Variants in TMEM232 observed in about 807,000 individuals in gnomAD.
TMEM232 encodes the protein transmembrane protein 232.
A neutral mutation model predicts 78.8 loss-of-function variants in TMEM232; 80 were observed. That is an observed-to-expected ratio of 1.01 (90% CI 0.85 to 1.22). TMEM232 has a LOEUF of 1.22. Ranked by LOEUF, TMEM232 falls within the 50% of genes most tolerant of loss-of-function variation. The pLI is 0.00. For synonymous variants in TMEM232, 297 were observed against 254.3 expected, an observed-to-expected ratio of 1.17 and a Z score of -1.60; for missense variants, 881 against 742.2, an observed-to-expected ratio of 1.19 and a Z score of -2.17.
chr5:110,590,822 A>G (rs1779424352), intron 10 of TMEM232, among the ~76,000 whole-genome samples: 1 of 152,172 alleles, frequency 6.6e-6, no homozygotes, highest in South Asian at 2.1e-4. Context: ...TGGAAGGGGA[A>G]GCAAGCACCT....
At chr5:110,459,361 CAT>C (rs1470309784) in intron 12 of TMEM232, among the ~76,000 whole-genome samples, 3 of 152,162 alleles carry the variant, frequency 2.0e-5, no homozygotes, top group Non-Finnish European at 4.4e-5. Context: ...ACTTCAAAGA[CAT>C]ATAGCACCGA....
intron 11 of TMEM232, among the ~76,000 whole-genome samples, chr5:110,548,698 CTG>C (rs1428120368): frequency 3.3e-5 from 5 of 151,700 alleles, no homozygotes; most frequent in African/African-American, 1.2e-4. Flanking sequence ...TGTAAATAAA[CTG>C]TTTCAATTTG....
intron 2 of TMEM232, among the ~76,000 whole-genome samples, chr5:110,733,499 G>T (rs1798876906): frequency 6.6e-6 from 1 of 152,168 alleles, no homozygotes; most frequent in Admixed American, 6.5e-5. Context: ...ATACTATGCA[G>T]CCATAAAAAA....
chr5:110,414,797 G>T (rs1756127545), downstream of TMEM232, among the ~76,000 whole-genome samples: 1 of 152,144 alleles, frequency 6.6e-6, no homozygotes, highest in Admixed American at 6.5e-5. Context: ...GAAGTAGATG[G>T]GAGCCCGTGT....
At chr5:110,536,756 C>G (rs1342273450) in intron 11 of TMEM232, among the ~76,000 whole-genome samples, 2 of 152,060 alleles carry the variant, frequency 1.3e-5, no homozygotes, top group African/African-American at 4.8e-5. Context: ...ATGTTTAGGA[C>G]AAGTCAGAGG....
At chr5:110,709,637 T>G (rs1037944117) in intron 1 of TMEM232, among the ~76,000 whole-genome samples, 1 of 151,898 alleles carries the variant, frequency 6.6e-6, no homozygotes, top group African/African-American at 2.4e-5. Context: ...GAATAACAAG[T>G]GGGTCAATGA....
chr5:110,397,832 T>C (rs541391225), exon 3 of TMEM232: 2 of 152,706 alleles, frequency 1.3e-5, no homozygotes, highest in African/African-American at 2.4e-5. Flanking sequence ...GATGTATAAT[T>C]TTGCACAGCA....
At chr5:110,528,387 T>C (rs901296487) in intron 12 of TMEM232, among the ~76,000 whole-genome samples, 1 of 151,912 alleles carries the variant, frequency 6.6e-6, no homozygotes, top group Admixed American at 6.6e-5. Flanking sequence ...TATGTAATAA[T>C]ACCTATTATA....
intron 2 of TMEM232, among the ~76,000 whole-genome samples, chr5:110,658,211 G>GTC (rs1198487247): frequency 1.3e-5 from 2 of 152,068 alleles, no homozygotes; most frequent in African/African-American, 4.8e-5. Context: ...AATATCCTCT[G>GTC]TCATCCTGAT....
chr5:110,443,646 C>T (rs936735270), intron 12 of TMEM232, among the ~76,000 whole-genome samples: 4 of 152,308 alleles, frequency 2.6e-5, no homozygotes, highest in African/African-American at 7.2e-5. Flanking sequence ...CTGCTTTTCT[C>T]AAACAGAAGG....
chr5:110,550,141 T>A (rs917410342), intron 11 of TMEM232, among the ~76,000 whole-genome samples: 3 of 152,148 alleles, frequency 2.0e-5, no homozygotes, highest in African/African-American at 7.2e-5. Context: ...CAATGATTGG[T>A]CAACAAAAGA....
At chr5:110,696,371 C>T (rs1212241232) in intron 1 of TMEM232, among the ~76,000 whole-genome samples, 1 of 152,172 alleles carries the variant, frequency 6.6e-6, no homozygotes, top group Admixed American at 6.5e-5. Flanking sequence ...AAACTGGAAG[C>T]ATTCCCTTTG....
chr5:110,569,865 T>C (rs1343541528), intron 10 of TMEM232, among the ~76,000 whole-genome samples: 1 of 151,932 alleles, frequency 6.6e-6, no homozygotes, highest in East Asian at 1.9e-4. Flanking sequence ...GAAAGCTCCC[T>C]GGCATCAGAC....
At chr5:110,408,564 C>G (rs1227911453) in intron 2 of TMEM232, among the ~76,000 whole-genome samples, 1 of 151,522 alleles carries the variant, frequency 6.6e-6, no homozygotes, top group Non-Finnish European at 1.5e-5. Flanking sequence ...CACTCCAGCC[C>G]GGGTGACAGA....
rs954192868 is a variant in TMEM232 at position 110,404,739 on chromosome 5, T to C, written n.309-6885A>G. 1.3e-4 allele frequency among the ~76,000 whole-genome samples: 20 copies of C among 152,062 alleles called. 1 individual carries two copies. Among genetic ancestry groups the C allele is most frequent in the Admixed American group, 5.9e-4 (9 of 15,222 alleles). On this transcript the variant is annotated intron_variant and non_coding_transcript_variant, in intron 2 of 8. Coordinates refer to the TMEM232 transcript ENST00000507188. ...AAGGAATTGTAGATATAATAAAGCCTTGATGAACTGAATTCCAAAGAAAAA... is the reference window on the plus strand; with the variant it reads ...AAGGAATTGTAGATATAATAAAGCCCTGATGAACTGAATTCCAAAGAAAAA...
intron 12 of TMEM232, among the ~76,000 whole-genome samples, chr5:110,494,476 G>C (rs1765437008): frequency 6.6e-6 from 1 of 152,006 alleles, no homozygotes; most frequent in East Asian, 1.9e-4. Flanking sequence ...GGAACAATGG[G>C]AAGTCTTATA....
chr5:110,631,522 C>G (rs921846779), intron 5 of TMEM232, among the ~76,000 whole-genome samples: 2 of 152,132 alleles, frequency 1.3e-5, no homozygotes, highest in Admixed American at 6.5e-5. Flanking sequence ...CTCTCTCCCC[C>G]TCTCCATACC....
chr5:110,664,451 G>C (rs1031986216), intron 2 of TMEM232, among the ~76,000 whole-genome samples: 2 of 152,158 alleles, frequency 1.3e-5, no homozygotes, highest in Non-Finnish European at 2.9e-5. Context: ...AAATGAACTG[G>C]AATGATATCT....
At chr5:110,637,299 T>C (rs931751232) in intron 5 of TMEM232, among the ~76,000 whole-genome samples, 1 of 151,516 alleles carries the variant, frequency 6.6e-6, no homozygotes, top group African/African-American at 2.4e-5. Flanking sequence ...CAAAGCTCAG[T>C]TTTTTGCACG....
Sources: gnomAD v4.1 joint callset for allele counts (sites outside exome capture counted in the v4.1 genomes callset) on GRCh38, gnomAD v4.1.1 for gene constraint, MANE v1.5 for transcripts, NCBI Gene and HGNC (gene_info 2026-07-23, HGNC 2026-07-21) for gene names.